CSPP1: variants seen among roughly 807,000 people sequenced by gnomAD.
CSPP1 encodes centrosome and spindle pole associated protein 1, also known as centrosome and spindle pole-associated protein 1.
CSPP1 carries 126 observed loss-of-function variants against 164.4 expected under a neutral mutation model. The observed-to-expected ratio is 0.77, with a 90% CI of 0.66 to 0.89. The LOEUF (loss-of-function observed/expected upper bound fraction) is 0.89. Among genes scored for constraint, CSPP1 ranks in the 40% least tolerant of loss-of-function variants. The probability of loss-of-function intolerance (pLI) is 0.00; values close to 1 mark genes in which losing one functional copy is unlikely to be tolerated. For missense variants in CSPP1, 1,395 were observed against 1,449.8 expected, an observed-to-expected ratio of 0.96 and a Z score of 0.61; for synonymous variants, 472 against 476.7, an observed-to-expected ratio of 0.99 and a Z score of 0.13.
intron 28 of CSPP1, among the ~76,000 whole-genome samples, chr8:67,189,152 T>C (rs1401476239): frequency 6.6e-6 from 1 of 152,224 alleles, no homozygotes; most frequent in African/African-American, 2.4e-5. Context: ...ATAGGAACTC[T>C]CATTCATTGC....
At chr8:67,110,914 C>T (rs1816725296) in intron 9 of CSPP1, among the ~76,000 whole-genome samples, 1 of 152,026 alleles carries the variant, frequency 6.6e-6, no homozygotes, top group Non-Finnish European at 1.5e-5. Flanking sequence ...AAGTCTTGTG[C>T]TTGGTTATTC....
chr8:67,103,885 G>C (rs1334650245), intron 8 of CSPP1, among the ~76,000 whole-genome samples: 1 of 149,908 alleles, frequency 6.7e-6, no homozygotes, highest in Non-Finnish European at 1.5e-5. Flanking sequence ...CCTGTGGTGT[G>C]AATTTTTCTT....
At chr8:67,148,005 AC>A (rs1200056480) in intron 17 of CSPP1, among the ~76,000 whole-genome samples, 2 of 149,250 alleles carry the variant, frequency 1.3e-5, no homozygotes, top group African/African-American at 2.5e-5. Flanking sequence ...TGCAACCTGC[AC>A]CCCCCCGGCT....
At chr8:67,099,418 C>A (rs1813564090) in intron 7 of CSPP1, 1 of 152,018 alleles carries the variant, frequency 6.6e-6, no homozygotes, top group South Asian at 2.1e-4. Context: ...ACTTTTGGGT[C>A]ACAAGGATAG....
intron 19 of CSPP1, among the ~76,000 whole-genome samples, chr8:67,154,721 G>A (rs1013613362): frequency 1.6e-4 from 24 of 151,650 alleles, no homozygotes; most frequent in Admixed American, 2.6e-4. Context: ...GGCTGGTCTC[G>A]AACTACTGAC....
intron 21 of CSPP1, among the ~76,000 whole-genome samples, chr8:67,159,964 T>TTCTTTTC (rs1827847128): frequency 2.3e-5 from 1 of 43,262 alleles, no homozygotes; most frequent in Non-Finnish European, 3.7e-5. Context: ...CTTCTTTCTT[T>TTCTTTTC]TCTTTTCTTT....
chr8:67,098,961 C>CT lies in CSPP1; in HGVS notation c.923+3242dup, dbSNP rs1262842719. On this transcript the variant is annotated intron_variant, in intron 7 of 30. Transcript: ENST00000678616. ...ACATCTCAGAGTGTTTCATTAGCTTCTTTTTTTTTTTTTAAAGATTAACAT... is the reference window on the plus strand; with the variant it reads ...ACATCTCAGAGTGTTTCATTAGCTTCTTTTTTTTTTTTTTAAAGATTAACAT... 9.1e-3 allele frequency among the ~76,000 whole-genome samples: 1,279 copies of CT among 140,716 alleles called. 12 individuals carry two copies. The highest frequency in any genetic ancestry group is 0.026 in the African/African-American group (992 of 38,690). The allele number at this position is 140,716 out of a possible 152,430, so 92.3% of individuals were successfully genotyped here. A position where few individuals can be genotyped will look rare whatever the true frequency, so the allele number is the denominator to read the frequency against.
intron 3 of CSPP1, among the ~76,000 whole-genome samples, chr8:67,082,513 T>G (rs1485471280): frequency 6.6e-6 from 1 of 152,204 alleles, no homozygotes; most frequent in African/African-American, 2.4e-5. Context: ...CCTCAATTAG[T>G]CACATCTCCT....
At chr8:67,138,354 T>C (rs1822786671) in intron 17 of CSPP1, among the ~76,000 whole-genome samples, 1 of 152,232 alleles carries the variant, frequency 6.6e-6, no homozygotes, top group South Asian at 2.1e-4. Flanking sequence ...AAGTCATCTC[T>C]AGATTACTTG....
rs1830673661 is a variant in CSPP1, at chr8:67,172,510, G to A, written c.2923G>A (p.Ala975Thr). Residue 975 changes from alanine to threonine, a missense_variant, in exon 25 of 31, where the codon GCC becomes ACC. Physicochemically the swap from Ala to Thr is moderately conservative, Grantham distance 58. Coordinates refer to ENST00000678616, the MANE Select transcript of CSPP1 (RefSeq NM_001382391.1). ...RRQSPKGLDA[A>T]TFQNVHDFNE... is the part of the protein sequence containing the mutation. Reference sequence around the variant, plus strand: ...ACAGTCCCCTAAGGGCTTAGACGCTGCCACTTTTCAGAATGTTCATGATTT... The same window carrying A: ...ACAGTCCCCTAAGGGCTTAGACGCTACCACTTTTCAGAATGTTCATGATTT... 5.0e-6 allele frequency: 8 copies of A among 1,613,590 alleles called. 1 individual carries two copies. In the South Asian group the frequency reaches 8.8e-5, roughly 18 times the overall value.
chr8:67,163,942 G>A (rs910320954), intron 23 of CSPP1, 144 bp downstream of exon 23: 27 of 622,398 alleles, frequency 4.3e-5, no homozygotes, highest in Non-Finnish European at 5.9e-5. Context: ...TTCCCCTGGG[G>A]TAACATCTTA....
At chr8:67,193,863 AG>A (rs1421441193) in intron 30 of CSPP1, among the ~76,000 whole-genome samples, 5 of 152,250 alleles carry the variant, frequency 3.3e-5, no homozygotes, top group Admixed American at 1.3e-4. Context: ...AAACATATCC[AG>A]GCTTTGCTTT....
chr8:67,072,569 G>T (rs1807040215), intron 1 of CSPP1, among the ~76,000 whole-genome samples: 1 of 152,036 alleles, frequency 6.6e-6, no homozygotes, highest in Non-Finnish European at 1.5e-5. Flanking sequence ...GGTGGCTCAT[G>T]CCTGTAGTTG....
At chr8:67,070,745 C>A (rs1405608111) in intron 1 of CSPP1, among the ~76,000 whole-genome samples, 1 of 147,014 alleles carries the variant, frequency 6.8e-6, no homozygotes, top group Non-Finnish European at 1.5e-5. Flanking sequence ...ATATATATTT[C>A]TATTTTTAGT....
chr8:67,181,491 G>A (rs953557837), intron 28 of CSPP1, among the ~76,000 whole-genome samples: 2 of 151,844 alleles, frequency 1.3e-5, no homozygotes, highest in African/African-American at 4.8e-5. Context: ...AGATGGTCTG[G>A]GCCACTCAAG....
intron 19 of CSPP1, among the ~76,000 whole-genome samples, 178 bp downstream of exon 19, chr8:67,154,314 C>T (rs973925430): frequency 6.6e-6 from 1 of 152,012 alleles, no homozygotes; most frequent in Non-Finnish European, 1.5e-5. Context: ...AGGAAATAAA[C>T]AGATGTATTA....
At chr8:67,067,695 C>T (rs192836281) in intron 1 of CSPP1, among the ~76,000 whole-genome samples, 2,629 of 151,486 alleles carry the variant, frequency 0.017, 27 homozygotes, top group Non-Finnish European at 0.025. Context: ...GATCTCCTGA[C>T]CTCGTGATCC....
intron 1 of CSPP1, among the ~76,000 whole-genome samples, chr8:67,072,869 C>CAAAAAAAAAAAAA (rs58087584): frequency 2.2e-4 from 13 of 59,186 alleles, no homozygotes; most frequent in African/African-American, 2.1e-4. Flanking sequence ...GAGCCTGTCT[C>CAAAAAAAAAAAAA]AAAAAAAAAA....
rs967133314 is a variant in CSPP1, at chr8:67,175,667, G to A, written c.3109+231G>A. 1.1e-5 allele frequency: 7 copies of A among 643,060 alleles called. No individual in the cohort carries two copies. The African/African-American group carries it at 1.3e-4, about 11-fold the overall frequency. 39.8% of individuals were successfully genotyped at this position (643,060 alleles called of 1,614,324 possible). A position where few individuals can be genotyped will look rare whatever the true frequency, so the allele number is the denominator to read the frequency against. On this transcript the variant is annotated intron_variant, in intron 26 of 30. Transcript: ENST00000678616. Reference sequence around the variant, plus strand: ...CATGAGAGGGGCCCAGTCATTCACTGTAGCCAGGAGGACTGAATACTTTGA... The same window carrying A: ...CATGAGAGGGGCCCAGTCATTCACTATAGCCAGGAGGACTGAATACTTTGA...
Sources: gnomAD v4.1 joint callset for allele counts (sites outside exome capture counted in the v4.1 genomes callset) on GRCh38, gnomAD v4.1.1 for gene constraint, MANE v1.5 for transcripts, NCBI Gene and HGNC (gene_info 2026-07-23, HGNC 2026-07-21) for gene names.